CRLF2: variants seen among roughly 807,000 people sequenced by gnomAD.
The protein encoded by CRLF2 is cytokine receptor like factor 2.
Under a neutral mutation model 38.7 loss-of-function variants are expected in CRLF2, and 41 were observed. The observed-to-expected ratio is 1.06, with a 90% confidence interval of 0.83 to 1.37. The LOEUF (loss-of-function observed/expected upper bound fraction) is 1.37. Among genes scored for constraint, CRLF2 ranks in the 40% most tolerant of loss-of-function variants. CRLF2 has a pLI of 0.00. For missense variants in CRLF2, 377 were observed against 322.2 expected, an observed-to-expected ratio of 1.17 and a Z score of -1.30; for synonymous variants, 140 against 128.8, an observed-to-expected ratio of 1.09 and a Z score of -0.59.
At chrX:1,202,940 C>T (rs2086634168) in intron 3 of CRLF2, among the ~76,000 whole-genome samples, 1 of 151,878 alleles carries the variant, frequency 6.6e-6, no homozygotes, top group East Asian at 1.9e-4. Context: ...AAAACCCCGT[C>T]TCTACTAAAA....
intron 6 of CRLF2, among the ~76,000 whole-genome samples, chrX:1,195,066 A>G (rs2086453398): frequency 6.7e-6 from 1 of 150,310 alleles, no homozygotes; most frequent in Non-Finnish European, 1.5e-5. Context: ...TAAGAAAATG[A>G]CTCAACCTCC....
At position 1,202,449 on chromosome X, in the gene CRLF2, G is replaced by C; in HGVS notation, c.436C>G (p.Leu146Val). 6.2e-7 allele frequency: 1 copy of C among 1,613,718 alleles called. No individual in the cohort carries two copies. The highest frequency in any genetic ancestry group is 8.5e-7 in the Non-Finnish European group (1 of 1,179,674). The change falls in exon 4 of 8, where the codon CTC becomes GTC. Residue 146 changes from leucine (L) to valine (V), a missense_variant. Leu to Val is a conservative substitution (Grantham distance 32, BLOSUM62 1). Coordinates refer to ENST00000400841, the MANE Select transcript of CRLF2 (RefSeq NM_022148.4). ...VTCSDLSYGD[L>V]LYEVQYRSPF... is the part of the protein sequence containing the mutation. ...CTCCGGTACTGAACCTCATAGAGGAGATCCCCGTAGGACAGGTCAGAACAC... is the reference window on the plus strand; with the variant it reads ...CTCCGGTACTGAACCTCATAGAGGACATCCCCGTAGGACAGGTCAGAACAC...
At chrX:1,192,377 A>G in intron 7 of CRLF2, among the ~76,000 whole-genome samples, 1 of 151,648 alleles carries the variant, frequency 6.6e-6, no homozygotes, top group Non-Finnish European at 1.5e-5. Context: ...TCATCCCAGC[A>G]CTTCGGGAGG....
At position 1,208,800 on chromosome X, in the gene CRLF2, A is replaced by G. The variant is rs1184753556; in HGVS notation, c.182+6T>C. ...GCGTGGGGTTCGCTTTCTGGGGGCC[A>G]CTTACCTGTAGTGGAAAGTCAGGTT... On this transcript the variant is annotated splice_donor_region_variant and intron_variant, in intron 2 of 7. Transcript: ENST00000400841. 6.3e-7 allele frequency: 1 copy of G among 1,575,240 alleles called. No individual in the cohort carries two copies. The highest frequency in any genetic ancestry group is 8.7e-7 in the Non-Finnish European group (1 of 1,144,666).
In CRLF2 at chrX:1,196,789, T is replaced by C. The variant is rs1569467814; in HGVS notation, c.758A>G (p.Lys253Arg). ...CAGGAGTCATCCTTACCTCCATAATTTCCATAAAGACAGAAGGAGGAGAGA... is the reference window on the plus strand; with the variant it reads ...CAGGAGTCATCCTTACCTCCATAATCTCCATAAAGACAGAAGGAGGAGAGA... Reference protein sequence around the residue: ...MVSLLLLSLWKLWRVKKFLIP... With the variant: ...MVSLLLLSLWRLWRVKKFLIP... Residue 253 changes from lysine to arginine, a missense_variant, in exon 6 of 8, where the codon AAA (lysine) becomes AGA (arginine). Transcript: ENST00000400841. The C allele has an allele frequency of 1.2e-6, 2 of 1,613,246 alleles. No homozygotes were observed. Among genetic ancestry groups the C allele is most frequent in the Non-Finnish European group, 1.7e-6 (2 of 1,179,514 alleles).
At position 1,198,693 on chromosome X, in the gene CRLF2, A is replaced by G. The variant is rs1187408610; in HGVS notation, c.515T>C (p.Ile172Thr). 5.0e-6 allele frequency: 8 copies of G among 1,611,264 alleles called. No individual in the cohort carries two copies. The highest frequency in any genetic ancestry group is 5.1e-6 in the Non-Finnish European group (6 of 1,178,592). ...SKQENTCNVT[I>T]EGLDAEKCYS... ...ACACTTCTCGGCATCCAAGCCTTCT[A>G]TGGTGACGTTGCAGGTATTTTCCTG... The change falls in exon 5 of 8, where the codon ATA (isoleucine) becomes ACA (threonine). Residue 172 changes from isoleucine (I) to threonine (T), a missense_variant. Coordinates refer to ENST00000400841, the MANE Select transcript of CRLF2 (RefSeq NM_022148.4).
At position 1,190,855 on chromosome X, in the gene CRLF2, T is replaced by A. The variant is rs1444968655; in HGVS notation, c.*42A>T. The A allele has an allele frequency of 2.5e-5, 10 of 398,554 alleles. No homozygotes were observed. Among genetic ancestry groups the A allele is most frequent in the Non-Finnish European group, 4.4e-5 (10 of 226,092 alleles). 24.7% of individuals were successfully genotyped at this position (398,554 alleles called of 1,614,324 possible). A position where few individuals can be genotyped will look rare whatever the true frequency, so the allele number is the denominator to read the frequency against. On this transcript the variant is annotated 3_prime_UTR_variant, in exon 8 of 8. Transcript: ENST00000400841. ...GGACAGTCCCCTCTGTCTTTAAATG[T>A]CAACGTGGATCCTGACGTTGACTTT... is the stretch of plus-strand genomic sequence containing the variant.
intron 2 of CRLF2, among the ~76,000 whole-genome samples, chrX:1,206,942 CTT>C (rs766628411): frequency 0.034 from 3,940 of 115,524 alleles, 161 homozygotes; most frequent in African/African-American, 0.1. Context: ...ACCACACCGG[CTT>C]TTTTTTTTTT....
At chrX:1,206,055 C>T (rs2086685517) in intron 3 of CRLF2, among the ~76,000 whole-genome samples, 1 of 151,734 alleles carries the variant, frequency 6.6e-6, no homozygotes, top group South Asian at 2.1e-4. Flanking sequence ...CTTTTCGGTA[C>T]TTACGGTAAT....
Position 1,191,295 on chromosome X carries a change from C to CTCTTTCTTTTCTTTCTT in CRLF2, c.853-136_853-135insAAGAAAGAAAAGAAAGA. The CTCTTTCTTTTCTTTCTT allele has an allele frequency of 1.5e-5, 5 of 329,052 alleles. No homozygotes were observed. In the East Asian group the frequency reaches 2.2e-4, roughly 14 times the overall value. 20.4% of individuals were successfully genotyped at this position (329,052 alleles called of 1,614,324 possible). On this transcript the variant is annotated intron_variant, in intron 7 of 7. Coordinates refer to ENST00000400841, the MANE Select transcript of CRLF2 (RefSeq NM_022148.4). ...TCTTTCTCTCTCTTTCTTTTCTTTT[C>CTCTTTCTTTTCTTTCTT]TCTTTCTTTCTTTCTTTCTTTCTTT... is the stretch of plus-strand genomic sequence containing the variant.
chrX:1,192,671 TTCTC>T (rs1194433899), intron 7 of CRLF2, among the ~76,000 whole-genome samples: 1 of 151,622 alleles, frequency 6.6e-6, no homozygotes, highest in African/African-American at 2.4e-5. Flanking sequence ...CCTTTTTTCT[TTCTC>T]TTTCTTTTTC....
intron 2 of CRLF2, among the ~76,000 whole-genome samples, chrX:1,208,504 A>C (rs1347253806): frequency 6.6e-6 from 1 of 152,132 alleles, no homozygotes; most frequent in African/African-American, 2.4e-5. Flanking sequence ...GGTTGCAGTG[A>C]GCCGAGATTG....
At chrX:1,194,901 G>A (rs1359719660) in intron 6 of CRLF2, among the ~76,000 whole-genome samples, 24 of 151,916 alleles carry the variant, frequency 1.6e-4, no homozygotes, top group East Asian at 9.7e-4. Context: ...GTGTGGTGGC[G>A]CGCACCTGTA....
chrX:1,196,335 A>C (rs1253584659), intron 6 of CRLF2, among the ~76,000 whole-genome samples: 3 of 150,680 alleles, frequency 2.0e-5, no homozygotes, highest in East Asian at 1.9e-4. Context: ...TTACAGGTGC[A>C]CGCCACCACA....
chrX:1,206,399 G>C, intron 3 of CRLF2, 34 bp downstream of exon 3: 1 of 1,600,818 alleles, frequency 6.2e-7, no homozygotes, highest in Non-Finnish European at 8.6e-7. Flanking sequence ...AGGAAGTACT[G>C]AAAAGCATGG....
rs2147815915 is a variant in CRLF2, at chrX:1,191,263, T to A, written c.853-103A>T. ...CCACCACAGACATCCCTGGACATCTTTCTCTTTCTTTCTCTCTCTTTCTTT... is the reference window on the plus strand; with the variant it reads ...CCACCACAGACATCCCTGGACATCTATCTCTTTCTTTCTCTCTCTTTCTTT... On this transcript the variant is annotated intron_variant, in intron 7 of 7. Coordinates refer to ENST00000400841, the MANE Select transcript of CRLF2 (RefSeq NM_022148.4). The A allele has an allele frequency of 7.5e-6, 3 of 398,492 alleles. No homozygotes were observed. In the East Asian group the frequency reaches 1.1e-4, roughly 14 times the overall value. The allele number at this position is 398,492 out of a possible 1,614,324, so 24.7% of individuals were successfully genotyped here.
chrX:1,202,371 C>G (rs2086622594), intron 4 of CRLF2, 31 bp downstream of exon 4: 1 of 1,612,766 alleles, frequency 6.2e-7, no homozygotes, highest in African/African-American at 1.3e-5. Context: ...GCTCAGCCAC[C>G]ATCGCCCTGA....
intron 5 of CRLF2, among the ~76,000 whole-genome samples, chrX:1,198,055 G>A (rs1380258364): frequency 6.6e-6 from 1 of 152,086 alleles, no homozygotes; most frequent in African/African-American, 2.4e-5. Flanking sequence ...AATGAAACAA[G>A]GAGAGGAATT....
intron 4 of CRLF2, chrX:1,198,958 G>C: frequency 1.8e-6 from 1 of 567,702 alleles, no homozygotes; most frequent in Non-Finnish European, 3.2e-6. Flanking sequence ...AGACCAGCCT[G>C]GCCAACATGG....
Sources: gnomAD v4.1 joint callset for allele counts (sites outside exome capture counted in the v4.1 genomes callset) on GRCh38, gnomAD v4.1.1 for gene constraint, MANE v1.5 for transcripts, NCBI Gene and HGNC (gene_info 2026-07-23, HGNC 2026-07-21) for gene names.